The following FANCC variants were observed in gnomAD, a reference collection of about 807,000 sequenced individuals.
The protein encoded by FANCC is FA complementation group C, also known as Fanconi anemia group C protein.
FANCC carries 55 observed loss-of-function variants against 71.3 expected under a neutral mutation model. The ratio of observed to expected loss-of-function variants is 0.77; its 90% CI spans 0.62 to 0.97. The LOEUF (loss-of-function observed/expected upper bound fraction) is 0.97, where lower values mean the gene tolerates loss of function less well. FANCC is among the 50% of genes least tolerant of loss of function. The pLI is 0.00. For synonymous variants in FANCC, 275 were observed against 244.9 expected (o/e 1.12, Z -1.15); for missense variants, 678 against 670.9 (o/e 1.01, Z -0.12).
rs75289072 is a variant in FANCC at position 95,278,055 on chromosome 9, C to T, written c.-78-28686G>A. 8.8e-3 allele frequency among the ~76,000 whole-genome samples: 1,340 copies of T among 152,158 alleles called. 23 individuals carry two copies. Among genetic ancestry groups the T allele is most frequent in the African/African-American group, 0.031 (1,275 of 41,500 alleles). On this transcript the variant is annotated intron_variant, in intron 1 of 14. Transcript: ENST00000289081. ...GATATGTACACACTGTACTGTTGGG[C>T]CTATAACATATAGAAAGGAATAAGA...
intron 14 of FANCC, among the ~76,000 whole-genome samples, chr9:95,105,121 G>A (rs1356869831): frequency 6.6e-6 from 1 of 152,196 alleles, no homozygotes; most frequent in African/African-American, 2.4e-5. Context: ...CTTTAGCCCT[G>A]GGCCACCCTC....
At chr9:95,141,312 A>C (rs902714856) in intron 7 of FANCC, among the ~76,000 whole-genome samples, 9 of 3,332 alleles carry the variant, frequency 2.7e-3, no homozygotes, top group Non-Finnish European at 3.8e-3. Context: ...ACCCTGTCTC[A>C]AAAAAAAAAA....
intron 7 of FANCC, among the ~76,000 whole-genome samples, chr9:95,143,238 C>T (rs1263465007): frequency 1.3e-5 from 2 of 152,224 alleles, no homozygotes; most frequent in African/African-American, 4.8e-5. Flanking sequence ...TCCAGGCCCT[C>T]TCCAGGCACG....
chr9:95,240,109 G>A (rs562925685), intron 4 of FANCC, among the ~76,000 whole-genome samples: 1 of 152,336 alleles, frequency 6.6e-6, no homozygotes, highest in East Asian at 1.9e-4. Context: ...ATCTGGACTA[G>A]CACAGTAGGT....
chr9:95,136,312 T>C (rs1394013382), intron 7 of FANCC, among the ~76,000 whole-genome samples: 1 of 151,870 alleles, frequency 6.6e-6, no homozygotes, highest in Non-Finnish European at 1.5e-5. Context: ...GGCAGGAGGA[T>C]CGCTAGAGCC....
chr9:95,232,271 C>G (rs997969407), intron 4 of FANCC, among the ~76,000 whole-genome samples: 2 of 152,194 alleles, frequency 1.3e-5, no homozygotes, highest in Non-Finnish European at 2.9e-5. Flanking sequence ...TCACCTCCCA[C>G]CAAGCCCCAC....
At chr9:95,150,742 C>T (rs2135436642) in intron 6 of FANCC, among the ~76,000 whole-genome samples, 1 of 152,310 alleles carries the variant, frequency 6.6e-6, no homozygotes, top group East Asian at 1.9e-4. Flanking sequence ...TGGTGGGTCC[C>T]CATCTGTTTC....
At chr9:95,140,422 T>C (rs898578333) in intron 7 of FANCC, among the ~76,000 whole-genome samples, 7 of 152,166 alleles carry the variant, frequency 4.6e-5, no homozygotes, top group Non-Finnish European at 1.0e-4. Flanking sequence ...GGTAAAGAAA[T>C]TGGTCCAACT....
At chr9:95,148,364 A>G (rs1259710367) in intron 7 of FANCC, among the ~76,000 whole-genome samples, 3 of 152,212 alleles carry the variant, frequency 2.0e-5, no homozygotes, top group Non-Finnish European at 2.9e-5. Context: ...ATGGAAATTG[A>G]CCTGAAAGAA....
In FANCC at chr9:95,124,095, C is replaced by T. The variant is rs1390459142; in HGVS notation, c.996+991G>A. On this transcript the variant is annotated intron_variant, in intron 10 of 14. Coordinates refer to ENST00000289081, the MANE Select transcript of FANCC (RefSeq NM_000136.3). Reference sequence around the variant, plus strand: ...CTCCAGCCTGGGTGACAGAGTAAAACCTTGTCTCAAAAAAAAAAAAAAAAA... The same window carrying T: ...CTCCAGCCTGGGTGACAGAGTAAAATCTTGTCTCAAAAAAAAAAAAAAAAA... Among the ~76,000 whole-genome samples the T allele has an allele frequency of 1.2e-4, 8 of 66,212 alleles. No individual in the cohort carries two copies. The East Asian group carries it at 3.9e-3, about 32-fold the overall frequency. The allele number at this position is 66,212 out of a possible 152,430, so 43.4% of individuals were successfully genotyped here.
At position 95,183,610 on chromosome 9, in the gene FANCC, C is replaced by T. The variant is rs183657058; in HGVS notation, c.346-11463G>A. ...TGGGAAAACATGACATCGCTATGTG[C>T]TTTTACTTCAAAGATATTAACTCAT... On this transcript the variant is annotated intron_variant, in intron 4 of 14. Coordinates refer to ENST00000289081, the MANE Select transcript of FANCC (RefSeq NM_000136.3). Among the ~76,000 whole-genome samples, 926 of 152,326 alleles carry T rather than the reference C, an allele frequency of 6.1e-3. 4 individuals are homozygous for T. The highest frequency in any genetic ancestry group is 0.01 in the Non-Finnish European group (690 of 68,042).
chr9:95,135,707 C>G (rs1387498496), intron 7 of FANCC, among the ~76,000 whole-genome samples: 2 of 152,116 alleles, frequency 1.3e-5, no homozygotes, highest in East Asian at 3.8e-4. Flanking sequence ...CTTCAACTCA[C>G]CTTAAGAAAT....
chr9:95,296,237 A>G (rs1224125815), intron 1 of FANCC, among the ~76,000 whole-genome samples: 2 of 152,196 alleles, frequency 1.3e-5, no homozygotes, highest in African/African-American at 2.4e-5. Flanking sequence ...TCTCTATCAC[A>G]CTCCAATTTA....
chr9:95,102,929 G>A (rs2134397714), intron 14 of FANCC, among the ~76,000 whole-genome samples: 1 of 152,360 alleles, frequency 6.6e-6, no homozygotes, highest in Admixed American at 6.5e-5. Context: ...GCCAGGGTCA[G>A]TGCAGCCAGC....
Position 95,299,583 on chromosome 9 carries a change from C to T in FANCC, c.-79+17943G>A, listed in dbSNP as rs545943889. 3.3e-5 allele frequency among the ~76,000 whole-genome samples: 5 copies of T among 152,286 alleles called. No individual in the cohort carries two copies. In the East Asian group the frequency reaches 9.6e-4, roughly 29 times the overall value. ...TCACAAATATACTGTATCTCTGCGG[C>T]CCTGCAGTGGCTCACACCTGTAATT... is the stretch of plus-strand genomic sequence containing the variant. On this transcript the variant is annotated intron_variant, in intron 1 of 14. Coordinates refer to ENST00000289081, the MANE Select transcript of FANCC (RefSeq NM_000136.3).
Position 95,150,106 on chromosome 9 carries a change from ATAATCAC to A in FANCC, c.522-26_522-20del, listed in dbSNP as rs1564698055. ...AGCCATTCTATGGAAGAAATAAGAAATAATCACTCAAATCTAAGAGCCATGCATAATT... is the reference window on the plus strand; with the variant it reads ...AGCCATTCTATGGAAGAAATAAGAAATCAAATCTAAGAGCCATGCATAATT... On this transcript the variant is annotated intron_variant, in intron 6 of 14. Transcript: ENST00000289081. 6.2e-7 allele frequency: 1 copy of A among 1,613,784 alleles called. No homozygotes were observed. Among genetic ancestry groups the A allele is most frequent in the Admixed American group, 1.7e-5 (1 of 60,006 alleles).
intron 1 of FANCC, among the ~76,000 whole-genome samples, chr9:95,311,026 C>A (rs945702798): frequency 2.0e-5 from 3 of 152,054 alleles, no homozygotes; most frequent in Non-Finnish European, 4.4e-5. Context: ...AGGCGGATCA[C>A]GAGGTCAGGA....
intron 1 of FANCC, chr9:95,292,375 C>T (rs897704737): frequency 2.0e-6 from 2 of 1,019,602 alleles, no homozygotes; most frequent in East Asian, 8.0e-5. Context: ...GCGGGGTCCA[C>T]GGCTCTGGCG....
At chr9:95,229,896 A>T (rs1829887756) in intron 4 of FANCC, among the ~76,000 whole-genome samples, 1 of 152,216 alleles carries the variant, frequency 6.6e-6, no homozygotes, top group South Asian at 2.1e-4. Context: ...TTTTAGAAAA[A>T]GAGAAGGGAA....
Sources: allele counts gnomAD v4.1 joint callset (sites outside exome capture counted in the v4.1 genomes callset), GRCh38; gene constraint gnomAD v4.1.1; transcripts MANE v1.5; gene names NCBI Gene and HGNC (gene_info 2026-07-23, HGNC 2026-07-21).